The following HDAC7 variants were observed in gnomAD, a reference collection of about 807,000 sequenced individuals.
HDAC7 encodes histone deacetylase 7A.
In HDAC7, 26 loss-of-function variants were observed where a neutral mutation model predicts 115.5. The observed-to-expected ratio is 0.23, with a 90% CI of 0.16 to 0.31. The LOEUF is 0.31. Among genes scored for constraint, HDAC7 ranks in the 10% least tolerant of loss-of-function variants. HDAC7 has a pLI of 1.00. For missense variants in HDAC7, 1,068 were observed against 1,329.0 expected, an observed-to-expected ratio of 0.80 and a Z score of 3.05; for synonymous variants, 564 against 550.9, an observed-to-expected ratio of 1.02 and a Z score of -0.33.
At position 47,784,190 on chromosome 12, in the gene HDAC7, A is replaced by C. The variant is rs754491744; in HGVS notation, c.2819T>G (p.Leu940Arg). 6.2e-7 allele frequency: 1 copy of C among 1,612,778 alleles called. No individual in the cohort carries two copies. The highest frequency in any genetic ancestry group is 1.7e-5 in the Admixed American group (1 of 59,822). The change falls in exon 25 of 26, where the codon CTG (leucine) becomes CGG (arginine). Residue 940 changes from leucine (L) to arginine (R), a missense_variant. Leu to Arg is a moderately radical substitution (Grantham distance 102, BLOSUM62 -2). This residue lies in a region of HDAC7 where 98 missense variants were observed against 123.9 expected (regional missense o/e 0.79). Transcript: ENST00000080059. Reference protein sequence around the residue: ...HSKYWGCMQRLASCPDSWVPR... With the variant: ...HSKYWGCMQRRASCPDSWVPR... ...CACCCAGGAGTCTGGACAGGAGGCC[A>C]GGCGCTGCATGCAGCCCCAGTATTT...
chr12:47,795,680 C>T lies in HDAC7; in HGVS notation c.994G>A (p.Gly332Ser), dbSNP rs1198635392. Residue 332 changes from glycine to serine, a missense_variant, in exon 10 of 26, where the codon GGC (glycine) becomes AGC (serine). Gly to Ser is a moderately conservative substitution (Grantham distance 56, BLOSUM62 0). Around this residue, in one of 6 missense-constraint regions of HDAC7, gnomAD observed 618 missense variants for 701.5 expected, o/e 0.88. Transcript: ENST00000080059. The surrounding 1 kb of genome is among the most constrained non-coding windows in gnomAD (Gnocchi z 4.3). ...SPHTPLFLPH[G>S]LEPEAGGTLP... ...GTGCCCCCAGCCTCGGGCTCCAAGCCATGGGGCAGGAAGAGGGGAGTGTGG... is the reference window on the plus strand; with the variant it reads ...GTGCCCCCAGCCTCGGGCTCCAAGCTATGGGGCAGGAAGAGGGGAGTGTGG... 2 of 1,551,948 alleles carry T rather than the reference C, an allele frequency of 1.3e-6. No homozygotes were observed. The highest frequency in any genetic ancestry group is 4.9e-5 in the East Asian group (2 of 40,992).
intron 13 of HDAC7, 149 bp from the exon 14 acceptor site, chr12:47,792,153 A>T (rs974777062): frequency 2.3e-6 from 2 of 864,656 alleles, no homozygotes; most frequent in East Asian, 2.8e-5. Context: ...CCTGCATTTC[A>T]TCCTGCCCCT....
chr12:47,810,416 G>A (rs1179016212), intron 1 of HDAC7, among the ~76,000 whole-genome samples: 1 of 152,140 alleles, frequency 6.6e-6, no homozygotes, highest in African/African-American at 2.4e-5. Context: ...CCTAGTAGTG[G>A]CTGAGGTGAG....
intron 12 of HDAC7, among the ~76,000 whole-genome samples, chr12:47,794,331 A>G (rs1943690960): frequency 6.6e-6 from 1 of 152,266 alleles, no homozygotes; most frequent in South Asian, 2.1e-4. Flanking sequence ...CCCAGCCTGT[A>G]TCCCAACAGC....
rs114641625 is a variant in HDAC7, at chr12:47,803,533, C to T, written c.20-1259G>A. Among the ~76,000 whole-genome samples, 1 of 152,126 alleles carries T rather than the reference C, an allele frequency of 6.6e-6. No individual in the cohort carries two copies. ...GCTGCTCTACCTATTTAAATTCTGC[C>T]CATCCTCTGAGGTCCAGCCCAAGTC... On this transcript the variant is annotated intron_variant, in intron 1 of 25. Transcript: ENST00000080059. This position sits in a 1 kb window ranked among gnomAD's most constrained non-coding sequence, Gnocchi z 4.0.
chr12:47,808,115 G>C (rs1178032990), intron 1 of HDAC7, among the ~76,000 whole-genome samples: 1 of 152,226 alleles, frequency 6.6e-6, no homozygotes, highest in Non-Finnish European at 1.5e-5. Flanking sequence ...CAGGAGGCTG[G>C]ATGTAAGGGT....
At chr12:47,789,192 T>C (rs561057736) in intron 19 of HDAC7, 69 bp downstream of exon 19, 8 of 1,201,650 alleles carry the variant, frequency 6.7e-6, no homozygotes, top group African/African-American at 4.5e-5. Flanking sequence ...AAGCCGCATC[T>C]CTAACATCAG....
Position 47,795,865 on chromosome 12 carries a change from T to TG in HDAC7, c.906+40dup, listed in dbSNP as rs751790777. ...AGCAAGAAAAGGGAGTGAAAGAAGC[T>TG]GGGGGGGCTTGGAGTGGGGGTGGGC... On this transcript the variant is annotated intron_variant, in intron 9 of 25. Transcript: ENST00000080059. The surrounding 1 kb of genome is among the most constrained non-coding windows in gnomAD (Gnocchi z 4.3). 1.9e-4 allele frequency: 152 copies of TG among 802,136 alleles called. 2 individuals are homozygous for TG. The East Asian group carries it at 0.01, about 55-fold the overall frequency. The allele number at this position is 802,136 out of a possible 1,614,324, so 49.7% of individuals were successfully genotyped here. A position where few individuals can be genotyped will look rare whatever the true frequency, so the allele number is the denominator to read the frequency against.
At chr12:47,789,460 T>C (rs775653638) in intron 18 of HDAC7, 63 bp downstream of exon 18, 33 of 1,593,664 alleles carry the variant, frequency 2.1e-5, no homozygotes, top group Non-Finnish European at 2.8e-5. Context: ...AGAATGTCCC[T>C]GAAGGAAGTT....
At chr12:47,808,155 C>T (rs567103721) in intron 1 of HDAC7, among the ~76,000 whole-genome samples, 14 of 152,324 alleles carry the variant, frequency 9.2e-5, no homozygotes, top group Middle Eastern at 6.8e-3. Flanking sequence ...CTTTCTCCGC[C>T]ACCTCAGGGC....
chr12:47,797,347 C>T lies in HDAC7; in HGVS notation c.577+37G>A, dbSNP rs772396532. The T allele has an allele frequency of 1.3e-6, 2 of 1,563,578 alleles. No homozygotes were observed. Among genetic ancestry groups the T allele is most frequent in the South Asian group, 2.2e-5 (2 of 90,138 alleles). Reference sequence around the variant, plus strand: ...CCCATGTCCGAGGCCCTTCCCCCTTCCTTTGCCTGAAAGGTCCGCCTGTTT... The same window carrying T: ...CCCATGTCCGAGGCCCTTCCCCCTTTCTTTGCCTGAAAGGTCCGCCTGTTT... On this transcript the variant is annotated intron_variant, in intron 6 of 25. Coordinates refer to ENST00000080059, the MANE Select transcript of HDAC7 (RefSeq NM_015401.5). The surrounding 1 kb of genome is among the most constrained non-coding windows in gnomAD (Gnocchi z 5.5).
intron 22 of HDAC7, 51 bp downstream of exon 22, chr12:47,786,534 C>G (rs1350866459): frequency 7.4e-7 from 1 of 1,353,814 alleles, no homozygotes; most frequent in Non-Finnish European, 1.1e-6. Context: ...CAACTCCCCG[C>G]ACCGCCTGGC....
chr12:47,802,367 C>A, intron 1 of HDAC7, 93 bp from the exon 2 acceptor site: 1 of 1,535,644 alleles, frequency 6.5e-7, no homozygotes, highest in Non-Finnish European at 8.9e-7. Flanking sequence ...TGCTCCCTGC[C>A]ACTCCAAGCT....
In HDAC7 at chr12:47,797,350, T is replaced by A. The variant is rs1193579779; in HGVS notation, c.577+34A>T. 1.3e-6 allele frequency: 2 copies of A among 1,576,792 alleles called. No individual in the cohort carries two copies. Among genetic ancestry groups the A allele is most frequent in the African/African-American group, 2.7e-5 (2 of 73,980 alleles). ...ATGTCCGAGGCCCTTCCCCCTTCCT[T>A]TGCCTGAAAGGTCCGCCTGTTTGTT... On this transcript the variant is annotated intron_variant, in intron 6 of 25. Transcript: ENST00000080059. This position sits in a 1 kb window ranked among gnomAD's most constrained non-coding sequence, Gnocchi z 5.5.
chr12:47,798,939 G>C lies in HDAC7; in HGVS notation c.104C>G (p.Pro35Arg). ...CPRPCADTPGPQPQPMDLRVG... is the reference protein window; with the variant it reads ...CPRPCADTPGRQPQPMDLRVG... ...CCGCAGGTCCATGGGCTGCGGCTGA[G>C]GGCCTGGTGTGTCTGCACAGGGCCT... is the stretch of plus-strand genomic sequence containing the variant. The change falls in exon 3 of 26, where the codon CCT becomes CGT. Residue 35 changes from proline to arginine, a missense_variant. Pro to Arg is a moderately radical substitution (Grantham distance 103). Coordinates refer to ENST00000080059, the MANE Select transcript of HDAC7 (RefSeq NM_015401.5). The surrounding 1 kb of genome is among the most constrained non-coding windows in gnomAD (Gnocchi z 4.3). 3 of 1,522,888 alleles carry C rather than the reference G, an allele frequency of 2.0e-6. No individual in the cohort carries two copies. The highest frequency in any genetic ancestry group is 2.6e-6 in the Non-Finnish European group (3 of 1,140,006). 94.3% of individuals were successfully genotyped at this position (1,522,888 alleles called of 1,614,324 possible). A position where few individuals can be genotyped will look rare whatever the true frequency, so the allele number is the denominator to read the frequency against.
chr12:47,816,057 A>AT (rs1447744725), intron 1 of HDAC7, among the ~76,000 whole-genome samples: 4 of 151,738 alleles, frequency 2.6e-5, no homozygotes, highest in Middle Eastern at 3.4e-3. Context: ...CACCTGGCTA[A>AT]TTTTTTGTAT....
chr12:47,801,951 T>C (rs1361294534), intron 2 of HDAC7, among the ~76,000 whole-genome samples: 1 of 152,172 alleles, frequency 6.6e-6, no homozygotes, highest in Non-Finnish European at 1.5e-5. Context: ...GCTTCTTACT[T>C]TCCTTCCTGT....
intron 22 of HDAC7, 107 bp from the exon 23 acceptor site, chr12:47,785,992 A>C: frequency 8.9e-7 from 1 of 1,117,506 alleles, no homozygotes; most frequent in Non-Finnish European, 1.3e-6. Flanking sequence ...AGAATGACTC[A>C]CATGTATCAA....
intron 22 of HDAC7, among the ~76,000 whole-genome samples, chr12:47,786,309 C>T (rs889273657): frequency 2.6e-5 from 4 of 152,220 alleles, no homozygotes; most frequent in Non-Finnish European, 5.9e-5. Flanking sequence ...GGGAGTCCCA[C>T]GGCTGAGCTT....
Sources: gnomAD v4.1 joint callset for allele counts (sites outside exome capture counted in the v4.1 genomes callset) on GRCh38, gnomAD v4.1.1 for gene constraint, gnomAD v4.1.1 regional missense constraint, Gnocchi (gnomAD v3.1) non-coding constraint, MANE v1.5 for transcripts, NCBI Gene and HGNC (gene_info 2026-07-23, HGNC 2026-07-21) for gene names.